The following RAD54L variants were observed in gnomAD, a reference collection of about 807,000 sequenced individuals.
RAD54L encodes RAD54 like.
Under a neutral mutation model 91.6 loss-of-function variants are expected in RAD54L, and 74 were observed. The observed-to-expected ratio is 0.81, with a 90% CI of 0.67 to 0.98. The LOEUF (loss-of-function observed/expected upper bound fraction) is 0.98. Among genes scored for constraint, RAD54L ranks in the 50% least tolerant of loss-of-function variants. RAD54L has a pLI of 0.00. For missense variants in RAD54L, 887 were observed against 945.7 expected (o/e 0.94, Z 0.81); for synonymous variants, 304 against 349.7 (o/e 0.87, Z 1.46).
Position 46,247,967 on chromosome 1 carries a change from C to T in RAD54L, c.-439C>T. On this transcript the variant is annotated 5_prime_UTR_variant, in exon 1 of 18. Coordinates refer to ENST00000371975, the MANE Select transcript of RAD54L (RefSeq NM_003579.4). ...GAAATTTCCTTTCTCCAGACTCGCC[C>T]TCCCCACCCGGGCCTCGGACTTTCA... 1 of 294,436 alleles carries T rather than the reference C, an allele frequency of 3.4e-6. No individual in the cohort carries two copies. Among genetic ancestry groups the T allele is most frequent in the Non-Finnish European group, 6.6e-6 (1 of 150,712 alleles). The allele number at this position is 294,436 out of a possible 1,614,324, so 18.2% of individuals were successfully genotyped here.
intron 3 of RAD54L, among the ~76,000 whole-genome samples, chr1:46,255,771 G>A (rs1375316969): frequency 2.0e-5 from 3 of 152,180 alleles, no homozygotes; most frequent in Admixed American, 1.3e-4. Context: ...AAAGTGCTGG[G>A]ATTACAGGCG....
intron 3 of RAD54L, among the ~76,000 whole-genome samples, chr1:46,257,891 T>TGG (rs1659985658): frequency 6.6e-6 from 1 of 152,182 alleles, no homozygotes; most frequent in Non-Finnish European, 1.5e-5. Context: ...TTAATCACTC[T>TGG]GAGCCTCAGT....
chr1:46,266,417 G>A (rs974132410), intron 8 of RAD54L, among the ~76,000 whole-genome samples: 2 of 152,256 alleles, frequency 1.3e-5, no homozygotes, highest in African/African-American at 4.8e-5. Flanking sequence ...TGAGTTTTGT[G>A]TGCCTTCCCC....
chr1:46,270,657 A>T lies in RAD54L; in HGVS notation c.1043-2A>T, dbSNP rs1660396297. ...TCTGTTTTCCTTCTCTCCTGTGTTTAGGGACTGCCCATGAATTCAAGAAGC... is the reference window on the plus strand; with the variant it reads ...TCTGTTTTCCTTCTCTCCTGTGTTTTGGGACTGCCCATGAATTCAAGAAGC... On this transcript the variant is annotated splice_acceptor_variant, in intron 9 of 17. Transcript: ENST00000371975. LOFTEE classifies it high-confidence loss of function. 4 of 1,613,988 alleles carry T rather than the reference A, an allele frequency of 2.5e-6. No homozygotes were observed. In the African/African-American group the frequency reaches 5.3e-5, roughly 22 times the overall value.
chr1:46,278,159 C>A lies in RAD54L; in HGVS notation c.2121C>A (p.Asn707Lys), dbSNP rs755155936. The A allele has an allele frequency of 6.2e-7, 1 of 1,613,804 alleles. No homozygotes were observed. The highest frequency in any genetic ancestry group is 1.7e-5 in the Admixed American group (1 of 59,990). Residue 707 changes from asparagine to lysine, a missense_variant, in exon 18 of 18, where the codon AAC becomes AAA. Coordinates refer to ENST00000371975, the MANE Select transcript of RAD54L (RefSeq NM_003579.4). ...GCACTTCAGACCTGGCAGGGTGGAA[C>A]CACTGCACTGATAAGTGGGGGCTCC... ...SDCTSDLAGW[N>K]HCTDKWGLRD...
In RAD54L at chr1:46,277,961, C is replaced by A. The variant is rs2148308136; in HGVS notation, c.2014C>A (p.Leu672Ile). 1 of 1,614,150 alleles carries A rather than the reference C, an allele frequency of 6.2e-7. No individual in the cohort carries two copies. Among genetic ancestry groups the A allele is most frequent in the African/African-American group, 1.3e-5 (1 of 75,042 alleles). The change falls in exon 17 of 18, where the codon CTC becomes ATC. Residue 672 changes from leucine (L) to isoleucine (I), a missense_variant. Coordinates refer to ENST00000371975, the MANE Select transcript of RAD54L (RefSeq NM_003579.4). ...GCTGTTTATCCTGGATGAAGCTAGC[C>A]TCAGTGACACACATGACAGGTGGGG... is the stretch of plus-strand genomic sequence containing the variant. Reference protein sequence around the residue: ...KELFILDEASLSDTHDRLHCR... With the variant: ...KELFILDEASISDTHDRLHCR...
rs1660524937 is a variant in RAD54L at position 46,274,188 on chromosome 1, A to G, written c.1661A>G (p.Lys554Arg). Residue 554 changes from lysine (K) to arginine (R), a missense_variant, in exon 15 of 18, where the codon AAG becomes AGG. Transcript: ENST00000371975. Reference sequence around the variant, plus strand: ...ACGATGTCCATTAAGAAGCGAGCCAAGGTTGTAGAACGCTTCAATAGTCCA... The same window carrying G: ...ACGATGTCCATTAAGAAGCGAGCCAGGGTTGTAGAACGCTTCAATAGTCCA... ...DGTMSIKKRAKVVERFNSPSS... is the reference protein window; with the variant it reads ...DGTMSIKKRARVVERFNSPSS... 1 of 1,613,682 alleles carries G rather than the reference A, an allele frequency of 6.2e-7. No individual in the cohort carries two copies. The highest frequency in any genetic ancestry group is 1.3e-5 in the African/African-American group (1 of 74,900).
chr1:46,255,555 G>A (rs371144162), intron 3 of RAD54L, among the ~76,000 whole-genome samples: 4 of 146,052 alleles, frequency 2.7e-5, no homozygotes, highest in Non-Finnish European at 5.9e-5. Flanking sequence ...CTGGAGTGCA[G>A]TGGCGCGATC....
At chr1:46,275,228 G>A (rs1008335939) in intron 16 of RAD54L, among the ~76,000 whole-genome samples, 4 of 152,154 alleles carry the variant, frequency 2.6e-5, no homozygotes, top group African/African-American at 4.8e-5. Flanking sequence ...ACTGGCTGAC[G>A]TTGAGGACCA....
chr1:46,274,753 TC>T, intron 16 of RAD54L, 36 bp downstream of exon 16: 1 of 1,612,478 alleles, frequency 6.2e-7, no homozygotes, highest in Non-Finnish European at 8.5e-7. Flanking sequence ...TAGGGGTGGG[TC>T]ATGGAACGAG....
chr1:46,262,180 G>C (rs770397812), intron 8 of RAD54L, among the ~76,000 whole-genome samples: 7 of 152,036 alleles, frequency 4.6e-5, no homozygotes, highest in Non-Finnish European at 8.8e-5. Context: ...TTGGGAGGCT[G>C]AGGCGGGCGG....
rs754829679 is a variant in RAD54L, at chr1:46,267,894, G to A, written c.1042+285G>A. Among the ~76,000 whole-genome samples, 18 of 152,272 alleles carry A rather than the reference G, an allele frequency of 1.2e-4. 1 individual carries two copies. In the Middle Eastern group the frequency reaches 0.024, roughly 201 times the overall value. On this transcript the variant is annotated intron_variant, in intron 9 of 17. Transcript: ENST00000371975. ...AGCTGAGGGTGGAATTATTATTTTT[G>A]TTCCTCAGATCCTAGCTCCCTTAGA...
At chr1:46,259,189 T>A (rs1190009295) in intron 4 of RAD54L, among the ~76,000 whole-genome samples, 9 of 151,652 alleles carry the variant, frequency 5.9e-5, no homozygotes, top group Admixed American at 2.0e-4. Context: ...TTTTTTTTTT[T>A]AATTTAATAG....
intron 3 of RAD54L, among the ~76,000 whole-genome samples, chr1:46,257,330 TA>T (rs1659972795): frequency 6.6e-6 from 1 of 152,258 alleles, no homozygotes; most frequent in African/African-American, 2.4e-5. Context: ...TTTCCACTAA[TA>T]TATTCCCATT....
chr1:46,248,034 TC>T lies in RAD54L; in HGVS notation c.-369del. On this transcript the variant is annotated 5_prime_UTR_variant, in exon 1 of 18. Transcript: ENST00000371975. The stretch of plus-strand genomic sequence containing the variant: ...CTGGCCAGTGATTACCCACCCCCAA[TC>T]CCACCCCGCCCCGCCGCGCAACTAC... 1.3e-5 allele frequency: 1 copy of T among 75,288 alleles called. No homozygotes were observed. Among genetic ancestry groups the T allele is most frequent in the Non-Finnish European group, 2.5e-5 (1 of 39,740 alleles). 4.7% of individuals were successfully genotyped at this position (75,288 alleles called of 1,614,324 possible).
At chr1:46,267,694 G>A in intron 9 of RAD54L, 85 bp downstream of exon 9, 1 of 1,495,998 alleles carries the variant, frequency 6.7e-7, no homozygotes, top group Non-Finnish European at 9.3e-7. Flanking sequence ...AGAGAAAGAA[G>A]AGAATGCTAG....
intron 9 of RAD54L, among the ~76,000 whole-genome samples, chr1:46,268,767 A>G (rs1294736719): frequency 4.6e-5 from 7 of 152,064 alleles, no homozygotes; most frequent in Non-Finnish European, 1.0e-4. Context: ...AATTTATTCT[A>G]CTGGTTTGGT....
At position 46,254,276 on chromosome 1, in the gene RAD54L, C is replaced by CT. The variant is rs974764459; in HGVS notation, c.210+4166dup. Among the ~76,000 whole-genome samples the CT allele has an allele frequency of 2.8e-3, 418 of 149,444 alleles. 1 individual carries two copies. The highest frequency in any genetic ancestry group is 3.4e-3 in the Middle Eastern group (1 of 290). The stretch of plus-strand genomic sequence containing the variant: ...AGGTGTGAGCTGCTGCATCTGGCCT[C>CT]TTTTTTTTTCTTTTTTTTTTCTTTT... On this transcript the variant is annotated intron_variant, in intron 3 of 17. Coordinates refer to ENST00000371975, the MANE Select transcript of RAD54L (RefSeq NM_003579.4).
intron 12 of RAD54L, 115 bp downstream of exon 12, chr1:46,272,917 C>T: frequency 4.9e-6 from 7 of 1,439,362 alleles, no homozygotes; most frequent in Non-Finnish European, 6.7e-6. Context: ...TCATAGAGGC[C>T]ACATGTGATT....
Sources: allele counts gnomAD v4.1 joint callset (sites outside exome capture counted in the v4.1 genomes callset), GRCh38; gene constraint gnomAD v4.1.1; transcripts MANE v1.5; gene names NCBI Gene and HGNC (gene_info 2026-07-23, HGNC 2026-07-21).